Variants in ITGBL1 observed in about 807,000 individuals in gnomAD.
The protein encoded by ITGBL1 is integrin subunit beta like 1, also known as integrin beta-like protein 1.
Under a neutral mutation model 68.5 loss-of-function variants are expected in ITGBL1, and 51 were observed. The ratio of observed to expected loss-of-function variants is 0.74; its 90% CI spans 0.59 to 0.94. The LOEUF is 0.94. Ranked by LOEUF, ITGBL1 falls within the 40% of genes least tolerant of loss-of-function variation. The pLI is 0.00. For synonymous variants in ITGBL1, 209 were observed against 227.3 expected (o/e 0.92, Z 0.72); for missense variants, 649 against 647.4 (o/e 1.00, Z -0.03).
intron 2 of ITGBL1, among the ~76,000 whole-genome samples, chr13:101,546,008 C>T (rs2049816426): frequency 6.6e-6 from 1 of 152,032 alleles, no homozygotes; most frequent in South Asian, 2.1e-4. Flanking sequence ...GAATGAAATA[C>T]AGCTACAAGT....
chr13:101,651,164 G>A (rs2139453143), intron 7 of ITGBL1, among the ~76,000 whole-genome samples: 1 of 152,116 alleles, frequency 6.6e-6, no homozygotes, highest in East Asian at 1.9e-4. Flanking sequence ...TATATACCCA[G>A]TAATGAAATT....
chr13:101,568,642 G>T (rs1037214922), intron 3 of ITGBL1, among the ~76,000 whole-genome samples: 2 of 152,022 alleles, frequency 1.3e-5, no homozygotes, highest in Non-Finnish European at 2.9e-5. Flanking sequence ...AGCTCTCTGG[G>T]TGATTTTAAT....
chr13:101,463,472 C>T (rs2048343383), intron 2 of ITGBL1, among the ~76,000 whole-genome samples: 2 of 152,158 alleles, frequency 1.3e-5, no homozygotes, highest in Admixed American at 1.3e-4. Flanking sequence ...AATCTGTACC[C>T]TGATTTATAT....
At chr13:101,641,975 G>A (rs942861776) in intron 7 of ITGBL1, among the ~76,000 whole-genome samples, 8 of 152,012 alleles carry the variant, frequency 5.3e-5, no homozygotes, top group African/African-American at 1.5e-4. Flanking sequence ...TTGGACATTT[G>A]GGTTGGTTCC....
At chr13:101,581,491 T>C (rs2050457307) in intron 5 of ITGBL1, among the ~76,000 whole-genome samples, 1 of 152,172 alleles carries the variant, frequency 6.6e-6, no homozygotes, top group South Asian at 2.1e-4. Context: ...GGCTGCCCTA[T>C]CCCTGTATTT....
chr13:101,645,387 T>A (rs1303974706), intron 7 of ITGBL1, among the ~76,000 whole-genome samples: 1 of 152,178 alleles, frequency 6.6e-6, no homozygotes, highest in Non-Finnish European at 1.5e-5. Flanking sequence ...TGTTTCTTTT[T>A]CATACAATTA....
intron 2 of ITGBL1, among the ~76,000 whole-genome samples, chr13:101,562,664 A>G (rs2050118815): frequency 6.6e-6 from 1 of 151,954 alleles, no homozygotes; most frequent in Admixed American, 6.6e-5. Context: ...ATTTCAAAAT[A>G]CATAAATTTA....
intron 7 of ITGBL1, among the ~76,000 whole-genome samples, chr13:101,664,497 A>T (rs1260531561): frequency 6.6e-6 from 1 of 152,190 alleles, no homozygotes; most frequent in Non-Finnish European, 1.5e-5. Context: ...GTTTAATTAT[A>T]CTTATTTTTT....
At chr13:101,570,994 C>T (rs1223747887) in intron 3 of ITGBL1, among the ~76,000 whole-genome samples, 1 of 152,218 alleles carries the variant, frequency 6.6e-6, no homozygotes, top group African/African-American at 2.4e-5. Flanking sequence ...CATATACACA[C>T]AAATACATAT....
intron 7 of ITGBL1, among the ~76,000 whole-genome samples, chr13:101,671,870 A>G (rs1011819627): frequency 6.6e-6 from 1 of 152,214 alleles, no homozygotes; most frequent in Non-Finnish European, 1.5e-5. Flanking sequence ...AAGTTCAATA[A>G]GAATCTGCTT....
chr13:101,534,248 A>G (rs2049531970), intron 2 of ITGBL1, among the ~76,000 whole-genome samples: 1 of 152,156 alleles, frequency 6.6e-6, no homozygotes, highest in African/African-American at 2.4e-5. Context: ...AACAGCAGGC[A>G]TAGGCTACTC....
intron 2 of ITGBL1, among the ~76,000 whole-genome samples, chr13:101,517,000 T>C (rs2049205952): frequency 6.6e-6 from 1 of 152,122 alleles, no homozygotes; most frequent in African/African-American, 2.4e-5. Context: ...TTTGCAAAGG[T>C]TTCTATGGCT....
chr13:101,515,838 A>G (rs1003639635), intron 2 of ITGBL1, among the ~76,000 whole-genome samples: 1 of 152,174 alleles, frequency 6.6e-6, no homozygotes, highest in African/African-American at 2.4e-5. Context: ...ATTTATCATC[A>G]GTAACCGAAA....
At chr13:101,521,674 G>T (rs566711819) in intron 2 of ITGBL1, among the ~76,000 whole-genome samples, 73 of 152,222 alleles carry the variant, frequency 4.8e-4, no homozygotes, top group Non-Finnish European at 4.4e-5. Context: ...TGGCAGCATG[G>T]AGAAGGCCTT....
At chr13:101,607,499 A>G (rs1310462195) in intron 7 of ITGBL1, among the ~76,000 whole-genome samples, 3 of 151,878 alleles carry the variant, frequency 2.0e-5, no homozygotes, top group Non-Finnish European at 4.4e-5. Flanking sequence ...TTTTTATTAG[A>G]TATCTATATG....
At chr13:101,547,413 AATTTT>A (rs1471016627) in intron 2 of ITGBL1, among the ~76,000 whole-genome samples, 4 of 151,940 alleles carry the variant, frequency 2.6e-5, no homozygotes, top group Non-Finnish European at 5.9e-5. Context: ...TTAAAAGATT[AATTTT>A]ATTCTTTCTT....
intron 8 of ITGBL1, among the ~76,000 whole-genome samples, chr13:101,705,322 A>AAC (rs1566799221): frequency 1.1e-4 from 16 of 145,156 alleles, no homozygotes; most frequent in African/African-American, 3.8e-4. Context: ...ACAACAACAA[A>AAC]AAAAAATAGT....
At chr13:101,621,978 G>A (rs144265887) in intron 7 of ITGBL1, among the ~76,000 whole-genome samples, 38 of 152,172 alleles carry the variant, frequency 2.5e-4, no homozygotes, top group African/African-American at 8.2e-4. Flanking sequence ...ATAATAGAAA[G>A]AAAGAAATGG....
At chr13:101,604,000 A>G (rs2030543905) in intron 7 of ITGBL1, among the ~76,000 whole-genome samples, 1 of 151,942 alleles carries the variant, frequency 6.6e-6, no homozygotes, top group Non-Finnish European at 1.5e-5. Flanking sequence ...CAGAACAGAA[A>G]CCAATAGGGA....
Sources: allele counts gnomAD v4.1 joint callset (sites outside exome capture counted in the v4.1 genomes callset), GRCh38; gene constraint gnomAD v4.1.1; transcripts MANE v1.5; gene names NCBI Gene and HGNC (gene_info 2026-07-23, HGNC 2026-07-21).